The following CACFD1 variants were observed in gnomAD, a reference collection of about 807,000 sequenced individuals.
CACFD1 encodes the protein calcium channel flower homolog.
A neutral mutation model predicts 21.3 loss-of-function variants in CACFD1; 26 were observed. That is an observed-to-expected ratio of 1.22 (90% CI 0.89 to 1.69). The LOEUF (loss-of-function observed/expected upper bound fraction) is 1.69. CACFD1 is among the 40% of genes most tolerant of loss of function. The pLI, the probability that CACFD1 is intolerant of heterozygous loss-of-function variation, is 0.00. For missense variants in CACFD1, 265 were observed against 236.2 expected (o/e 1.12, Z -0.80); for synonymous variants, 121 against 106.6 (o/e 1.13, Z -0.83).
chr9:133,468,501 G>T, intron 4 of CACFD1, 62 bp from the exon 5 acceptor site: 1 of 1,546,816 alleles, frequency 6.5e-7, no homozygotes, highest in Non-Finnish European at 8.7e-7. Flanking sequence ...CCGGGCAGTG[G>T]TCAGGAGGGC....
intron 1 of CACFD1, 96 bp from the exon 2 acceptor site, chr9:133,463,385 CAG>C: frequency 6.3e-7 from 1 of 1,596,464 alleles, no homozygotes; most frequent in Non-Finnish European, 8.5e-7. Context: ...TGAGCATCCG[CAG>C]AGACTCTCGT....
Position 133,463,484 on chromosome 9 carries a change from T to C in CACFD1, c.123T>C (p.Ser41=). ...CCTGCCCGTGTCTCTTGTTTCAAGC[T>C]TGCGCGATCTCTGGCCTCTTCAACT... ...CRLSGVLGAV[S]CAISGLFNCI... The change falls in exon 2 of 5, where the codon TCT becomes TCC. Residue 41 remains serine (S), a splice_region_variant and synonymous_variant. Transcript: ENST00000316948. 2 of 1,614,106 alleles carry C rather than the reference T, an allele frequency of 1.2e-6. No homozygotes were observed. Among genetic ancestry groups the C allele is most frequent in the South Asian group, 2.2e-5 (2 of 91,090 alleles).
At chr9:133,464,769 CT>C (rs1259848297) in intron 2 of CACFD1, among the ~76,000 whole-genome samples, 1 of 152,128 alleles carries the variant, frequency 6.6e-6, no homozygotes, top group Non-Finnish European at 1.5e-5. Flanking sequence ...TGGGCTTCCC[CT>C]GGGTGTCCCC....
Position 133,468,316 on chromosome 9 carries a change from C to T in CACFD1, c.429-247C>T, listed in dbSNP as rs587679611. On this transcript the variant is annotated intron_variant, in intron 4 of 4. Coordinates refer to ENST00000316948, the MANE Select transcript of CACFD1 (RefSeq NM_017586.5). ...CCAGGTCTGCACCGGGCATTGTACT[C>T]AGTTGCCACCCTCTCTCCTGCAGAG... 2.5e-3 allele frequency: 3,902 copies of T among 1,531,978 alleles called. 6 individuals carry two copies. The highest frequency in any genetic ancestry group is 3.9e-3 in the Middle Eastern group (23 of 5,960). The allele number at this position is 1,531,978 out of a possible 1,614,324, so 94.9% of individuals were successfully genotyped here. A position where few individuals can be genotyped will look rare whatever the true frequency, so the allele number is the denominator to read the frequency against.
At position 133,462,130 on chromosome 9, in the gene CACFD1, C is replaced by T. The variant is rs1391500232; in HGVS notation, c.122-1353C>T. ...GTCTGGCTTGACACCTGGTCCTCCC[C>T]CAAGGCTGGCTGTGGGTTGGACAGC... On this transcript the variant is annotated intron_variant, in intron 1 of 4. Transcript: ENST00000316948. 2.3e-6 allele frequency: 3 copies of T among 1,303,814 alleles called. No individual in the cohort carries two copies. In the African/African-American group the frequency reaches 4.6e-5, roughly 20 times the overall value. 80.8% of individuals were successfully genotyped at this position (1,303,814 alleles called of 1,614,324 possible).
At position 133,467,940 on chromosome 9, in the gene CACFD1, G is replaced by A. The variant is rs782672760; in HGVS notation, c.340G>A (p.Val114Ile). 24 of 1,613,106 alleles carry A rather than the reference G, an allele frequency of 1.5e-5. No individual in the cohort carries two copies. The highest frequency in any genetic ancestry group is 4.0e-5 in the African/African-American group (3 of 74,908). ...CCCCAGGATGGCGGTCGTTCCCATC[G>A]TCATCAGCCTGACCCTGACCACGCT... Reference protein sequence around the residue: ...FYCGMAVVPIVISLTLTTLLG... With the variant: ...FYCGMAVVPIIISLTLTTLLG... Residue 114 changes from valine (V) to isoleucine (I), a missense_variant, in exon 4 of 5, where the codon GTC becomes ATC. By Grantham distance (29) the Val-to-Ile change is conservative. Coordinates refer to ENST00000316948, the MANE Select transcript of CACFD1 (RefSeq NM_017586.5).
In CACFD1 at chr9:133,465,116, C is replaced by T; in HGVS notation, c.195-206C>T. ...AGCTGGGGAGATGGGTGTGCAGGAGCAGCTGGGGAGTGCTGGAGTCTTCAG... is the reference window on the plus strand; with the variant it reads ...AGCTGGGGAGATGGGTGTGCAGGAGTAGCTGGGGAGTGCTGGAGTCTTCAG... On this transcript the variant is annotated intron_variant, in intron 2 of 4. Transcript: ENST00000316948. The surrounding 1 kb of genome is among the most constrained non-coding windows in gnomAD (Gnocchi z 5.0). The T allele has an allele frequency of 1.7e-6, 1 of 591,256 alleles. No homozygotes were observed. Among genetic ancestry groups the T allele is most frequent in the Admixed American group, 3.0e-5 (1 of 33,726 alleles). 36.6% of individuals were successfully genotyped at this position (591,256 alleles called of 1,614,324 possible). A position where few individuals can be genotyped will look rare whatever the true frequency, so the allele number is the denominator to read the frequency against.
chr9:133,460,163 C>G lies in CACFD1; in HGVS notation c.97C>G (p.Leu33Val). Residue 33 changes from leucine to valine, a missense_variant, in exon 1 of 5, where the codon CTG (leucine) becomes GTG (valine). Transcript: ENST00000316948. ...GTGGTGGTACCGCTGGCTGTGTCGC[C>G]TGTCTGGGGTGCTGGGGGCAGTCTG... ...MTWWYRWLCR[L>V]SGVLGAVSCA... is the part of the protein sequence containing the mutation. The G allele has an allele frequency of 6.4e-7, 1 of 1,557,338 alleles. No homozygotes were observed. The highest frequency in any genetic ancestry group is 1.2e-5 in the South Asian group (1 of 85,056).
Position 133,465,288 on chromosome 9 carries a change from A to G in CACFD1, c.195-34A>G, listed in dbSNP as rs1564456469. 25 of 1,612,482 alleles carry G rather than the reference A, an allele frequency of 1.6e-5. No homozygotes were observed. Among genetic ancestry groups the G allele is most frequent in the Non-Finnish European group, 2.1e-5 (25 of 1,179,728 alleles). On this transcript the variant is annotated intron_variant, in intron 2 of 4. Transcript: ENST00000316948. This position sits in a 1 kb window ranked among gnomAD's most constrained non-coding sequence, Gnocchi z 5.0. ...CCGCCCTCATCCTCCTGGGATTGTC[A>G]GTCGCTGCTCTTCTCCTGCCCTGGT...
chr9:133,463,866 G>T (rs1843323143), intron 2 of CACFD1, among the ~76,000 whole-genome samples: 1 of 152,256 alleles, frequency 6.6e-6, no homozygotes, highest in Admixed American at 6.5e-5. Context: ...CATCCACTGA[G>T]ACTGCAGATG....
At chr9:133,466,713 G>T (rs1430750553) in intron 3 of CACFD1, among the ~76,000 whole-genome samples, 1 of 152,150 alleles carries the variant, frequency 6.6e-6, no homozygotes, top group Non-Finnish European at 1.5e-5. Flanking sequence ...TTCCAAAGAG[G>T]TCCCTTGAGT....
intron 3 of CACFD1, among the ~76,000 whole-genome samples, chr9:133,467,173 C>A (rs587691399): frequency 6.6e-6 from 1 of 152,340 alleles, no homozygotes; most frequent in Non-Finnish European, 1.5e-5. Flanking sequence ...TCTAGGGAGG[C>A]GACAGGACAG....
chr9:133,468,178 C>A, intron 4 of CACFD1, 150 bp downstream of exon 4: 2 of 1,088,628 alleles, frequency 1.8e-6, no homozygotes, highest in Non-Finnish European at 2.6e-6. Context: ...CAGGGCTCAG[C>A]TCGAGTGGGT....
Position 133,469,486 on chromosome 9 carries a change from C to T in CACFD1, c.*833C>T, listed in dbSNP as rs587619896. 3.3e-5 allele frequency: 5 copies of T among 152,520 alleles called. No homozygotes were observed. Among genetic ancestry groups the T allele is most frequent in the African/African-American group, 7.2e-5 (3 of 41,586 alleles). The allele number at this position is 152,520 out of a possible 1,614,324, so 9.4% of individuals were successfully genotyped here. On this transcript the variant is annotated 3_prime_UTR_variant, in exon 5 of 5. Coordinates refer to ENST00000316948, the MANE Select transcript of CACFD1 (RefSeq NM_017586.5). ...CCATTAGTGGGTTAGTGGGTCTGACCTCAGCCCCACTCAGGTGCTCCTGCT... is the reference window on the plus strand; with the variant it reads ...CCATTAGTGGGTTAGTGGGTCTGACTTCAGCCCCACTCAGGTGCTCCTGCT...
At chr9:133,460,675 C>T (rs896385999) in intron 1 of CACFD1, among the ~76,000 whole-genome samples, 7 of 152,088 alleles carry the variant, frequency 4.6e-5, no homozygotes, top group Non-Finnish European at 1.0e-4. Context: ...GTAAGGGAGG[C>T]GGGTGCACGG....
intron 1 of CACFD1, chr9:133,462,293 T>C (rs1213152271): frequency 2.3e-5 from 30 of 1,302,960 alleles, no homozygotes; most frequent in Non-Finnish European, 2.9e-5. Flanking sequence ...GGCAGGCCCC[T>C]GTGTACCTGT....
rs1843599667 is a variant in CACFD1, at chr9:133,469,715, CCTCT to C, written c.*1065_*1068del. On this transcript the variant is annotated 3_prime_UTR_variant, in exon 5 of 5. Coordinates refer to ENST00000316948, the MANE Select transcript of CACFD1 (RefSeq NM_017586.5). ...CTGCCCTGTGGCCTCAGCCCGCTGGCCTCTCTGACCGTGAGGCTGGCTCTCAGCC... is the reference window on the plus strand; with the variant it reads ...CTGCCCTGTGGCCTCAGCCCGCTGGCCTGACCGTGAGGCTGGCTCTCAGCC... 6.6e-6 allele frequency: 1 copy of C among 152,298 alleles called. No individual in the cohort carries two copies. The highest frequency in any genetic ancestry group is 6.5e-5 in the Admixed American group (1 of 15,286). The allele number at this position is 152,298 out of a possible 1,614,324, so 9.4% of individuals were successfully genotyped here. A position where few individuals can be genotyped will look rare whatever the true frequency, so the allele number is the denominator to read the frequency against.
chr9:133,464,922 A>G (rs1554799218), intron 2 of CACFD1: 2 of 170,914 alleles, frequency 1.2e-5, no homozygotes, highest in Non-Finnish European at 2.5e-5. Flanking sequence ...CCATGGCGAT[A>G]ATACTAACAG....
Position 133,468,767 on chromosome 9 carries a change from C to T in CACFD1, c.*114C>T, listed in dbSNP as rs963719995. 7.0e-7 allele frequency: 1 copy of T among 1,433,242 alleles called. No individual in the cohort carries two copies. The highest frequency in any genetic ancestry group is 1.4e-5 in the African/African-American group (1 of 69,958). 88.8% of individuals were successfully genotyped at this position (1,433,242 alleles called of 1,614,324 possible). A position where few individuals can be genotyped will look rare whatever the true frequency, so the allele number is the denominator to read the frequency against. On this transcript the variant is annotated 3_prime_UTR_variant, in exon 5 of 5. Coordinates refer to ENST00000316948, the MANE Select transcript of CACFD1 (RefSeq NM_017586.5). ...TGGAGAGGGGCCTTTGCACGTGTCCCTACACCTGGAGTCCTCTGCTCCTTT... is the reference window on the plus strand; with the variant it reads ...TGGAGAGGGGCCTTTGCACGTGTCCTTACACCTGGAGTCCTCTGCTCCTTT...
Sources: gnomAD v4.1 joint callset for allele counts (sites outside exome capture counted in the v4.1 genomes callset) on GRCh38, gnomAD v4.1.1 for gene constraint, Gnocchi (gnomAD v3.1) non-coding constraint, MANE v1.5 for transcripts, NCBI Gene and HGNC (gene_info 2026-07-23, HGNC 2026-07-21) for gene names.